The following ATG7 variants were observed in gnomAD, a reference collection of about 807,000 sequenced individuals.
ATG7 encodes autophagy related 7, also known as ubiquitin-like modifier-activating enzyme ATG7.
Under a neutral mutation model 82.4 loss-of-function variants are expected in ATG7, and 70 were observed. That is an observed-to-expected ratio of 0.85 (90% CI 0.70 to 1.04). The LOEUF (loss-of-function observed/expected upper bound fraction) is 1.04, where lower values mean the gene tolerates loss of function less well. Ranked by LOEUF, ATG7 falls within the 50% of genes least tolerant of loss-of-function variation. ATG7 has a pLI of 0.00. For synonymous variants in ATG7, 287 were observed against 313.0 expected, an observed-to-expected ratio of 0.92 and a Z score of 0.88; for missense variants, 792 against 864.3, an observed-to-expected ratio of 0.92 and a Z score of 1.05.
At chr3:11,289,424 A>G (rs915708186) in intron 3 of ATG7, among the ~76,000 whole-genome samples, 1 of 152,216 alleles carries the variant, frequency 6.6e-6, no homozygotes, top group African/African-American at 2.4e-5. Flanking sequence ...AGGTATTTCC[A>G]GAAGATTCCT....
intron 20 of ATG7, among the ~76,000 whole-genome samples, chr3:11,540,654 C>A (rs1334663741): frequency 1.4e-5 from 2 of 147,670 alleles, no homozygotes; most frequent in Non-Finnish European, 3.0e-5. Flanking sequence ...AAAAAAAAGT[C>A]TTATATTTTC....
At chr3:11,361,134 C>T (rs1479430885) in intron 16 of ATG7, among the ~76,000 whole-genome samples, 1 of 152,164 alleles carries the variant, frequency 6.6e-6, no homozygotes, top group Non-Finnish European at 1.5e-5. Context: ...CAGATTCCAT[C>T]AATGGCTTGA....
chr3:11,347,545 A>C (rs1575603251), intron 13 of ATG7, among the ~76,000 whole-genome samples: 1 of 152,220 alleles, frequency 6.6e-6, no homozygotes, highest in African/African-American at 2.4e-5. Flanking sequence ...GGCTATTGCT[A>C]ATCTTTTTAA....
At chr3:11,307,173 A>G (rs1947886236) in intron 6 of ATG7, 113 bp downstream of exon 6, 3 of 948,682 alleles carry the variant, frequency 3.2e-6, no homozygotes, top group African/African-American at 3.2e-5. Flanking sequence ...AAGGGAACTT[A>G]AAGACACTTG....
intron 19 of ATG7, among the ~76,000 whole-genome samples, chr3:11,389,021 G>C (rs1407642056): frequency 2.0e-5 from 3 of 151,894 alleles, no homozygotes; most frequent in African/African-American, 7.3e-5. Flanking sequence ...GCTGAGGGGG[G>C]CAGATCACCT....
At chr3:11,311,556 C>T (rs969015324) in intron 7 of ATG7, among the ~76,000 whole-genome samples, 4 of 149,102 alleles carry the variant, frequency 2.7e-5, no homozygotes, top group Non-Finnish European at 4.4e-5. Context: ...GAGCTGAGAT[C>T]GTCGTGCCGT....
At chr3:11,523,767 T>G (rs1006142243) in intron 20 of ATG7, among the ~76,000 whole-genome samples, 1 of 152,270 alleles carries the variant, frequency 6.6e-6, no homozygotes, top group Admixed American at 6.5e-5. Context: ...GATCTCTGAT[T>G]ACGGCCAAAA....
intron 11 of ATG7, among the ~76,000 whole-genome samples, chr3:11,335,971 A>G (rs1172312764): frequency 1.3e-5 from 2 of 150,288 alleles, no homozygotes; most frequent in South Asian, 2.1e-4. Context: ...TGCAGGGATT[A>G]CAGATCCACC....
chr3:11,509,130 G>T (rs938025020), intron 20 of ATG7, among the ~76,000 whole-genome samples: 1 of 152,210 alleles, frequency 6.6e-6, no homozygotes, highest in African/African-American at 2.4e-5. Context: ...CCCAGGTCAT[G>T]GGTTGGTTTT....
chr3:11,501,465 C>T (rs988466362), intron 20 of ATG7, among the ~76,000 whole-genome samples: 1 of 152,014 alleles, frequency 6.6e-6, no homozygotes, highest in Admixed American at 6.6e-5. Context: ...TACAGTGTTA[C>T]ATTTAGAAAG....
At chr3:11,362,701 A>G (rs1470174067) in intron 16 of ATG7, 112 bp from the exon 17 acceptor site, 1 of 775,478 alleles carries the variant, frequency 1.3e-6, no homozygotes, top group East Asian at 2.9e-5. Context: ...TTTGCCAACA[A>G]TGAGCATCTG....
At chr3:11,360,429 A>C (rs933031867) in intron 15 of ATG7, 152 bp from the exon 16 acceptor site, 3 of 703,212 alleles carry the variant, frequency 4.3e-6, no homozygotes, top group Non-Finnish European at 7.0e-6. Flanking sequence ...AGCCCTCAGT[A>C]GTGGGTAGAT....
intron 7 of ATG7, among the ~76,000 whole-genome samples, chr3:11,312,392 C>G (rs917547659): frequency 6.6e-6 from 1 of 152,158 alleles, no homozygotes; most frequent in East Asian, 1.9e-4. Context: ...GAGCCATTAG[C>G]GTGAGTGGGA....
intron 20 of ATG7, among the ~76,000 whole-genome samples, chr3:11,502,773 C>CT (rs2091436683): frequency 6.6e-6 from 1 of 152,046 alleles, no homozygotes; most frequent in Admixed American, 6.6e-5. Flanking sequence ...ATAGATGCAT[C>CT]TGAAAGTGTG....
intron 5 of ATG7, among the ~76,000 whole-genome samples, chr3:11,300,949 T>G (rs1437489492): frequency 6.6e-6 from 1 of 152,192 alleles, no homozygotes; most frequent in Non-Finnish European, 1.5e-5. Context: ...TATGATATTT[T>G]TTTCAATTTA....
At chr3:11,390,367 G>A (rs565357634) in intron 19 of ATG7, among the ~76,000 whole-genome samples, 2 of 152,360 alleles carry the variant, frequency 1.3e-5, no homozygotes, top group South Asian at 4.1e-4. Flanking sequence ...AGGAGCAAGA[G>A]TTTCATTTAA....
intron 20 of ATG7, among the ~76,000 whole-genome samples, chr3:11,475,897 A>ACACACG (rs2088131435): frequency 6.6e-6 from 1 of 150,392 alleles, no homozygotes; most frequent in Non-Finnish European, 1.5e-5. Flanking sequence ...ACACACACAC[A>ACACACG]CACACACACA....
intron 19 of ATG7, among the ~76,000 whole-genome samples, chr3:11,424,960 G>T (rs549654452): frequency 1.4e-5 from 2 of 141,780 alleles, no homozygotes; most frequent in Non-Finnish European, 3.1e-5. Context: ...TTCTTTTAAT[G>T]GATGCAAAAT....
At chr3:11,316,943 A>T (rs1268242378) in intron 9 of ATG7, among the ~76,000 whole-genome samples, 1 of 151,810 alleles carries the variant, frequency 6.6e-6, no homozygotes, top group Non-Finnish European at 1.5e-5. Flanking sequence ...TTTTTTTTTT[A>T]AAAGCACATT....
Sources: allele counts gnomAD v4.1 joint callset (sites outside exome capture counted in the v4.1 genomes callset), GRCh38; gene constraint gnomAD v4.1.1; transcripts MANE v1.5; gene names NCBI Gene and HGNC (gene_info 2026-07-23, HGNC 2026-07-21).